Variants in DYM observed in about 807,000 individuals in gnomAD.
DYM encodes dymeclin, also known as dyggve-Melchior-Clausen syndrome protein.
Under a neutral mutation model 93.1 loss-of-function variants are expected in DYM, and 78 were observed. That is an observed-to-expected ratio of 0.84 (90% CI 0.70 to 1.01). DYM has a LOEUF of 1.01. Ranked by LOEUF, DYM falls within the 50% of genes least tolerant of loss-of-function variation. The pLI, the probability that DYM is intolerant of heterozygous loss-of-function variation, is 0.00. For synonymous variants in DYM, 321 were observed against 319.7 expected, an observed-to-expected ratio of 1.00 and a Z score of -0.04; for missense variants, 789 against 845.0, an observed-to-expected ratio of 0.93 and a Z score of 0.82.
chr18:49,396,320 TC>T (rs2070074934), intron 2 of DYM, among the ~76,000 whole-genome samples: 1 of 152,132 alleles, frequency 6.6e-6, no homozygotes, highest in African/African-American at 2.4e-5. Flanking sequence ...TACCATATAA[TC>T]CAATAATCCG....
At chr18:49,145,516 A>C (rs1036438245) in intron 15 of DYM, among the ~76,000 whole-genome samples, 1 of 152,120 alleles carries the variant, frequency 6.6e-6, no homozygotes, top group Admixed American at 6.6e-5. Flanking sequence ...TTCCTCTTTC[A>C]CTTTTACCCA....
chr18:49,189,271 T>C (rs1274033173), intron 14 of DYM, among the ~76,000 whole-genome samples: 1 of 152,164 alleles, frequency 6.6e-6, no homozygotes, highest in Non-Finnish European at 1.5e-5. Context: ...CAATATATCC[T>C]TGTAACAAAC....
intron 17 of DYM, among the ~76,000 whole-genome samples, chr18:49,092,289 C>G (rs1250596585): frequency 6.6e-6 from 1 of 152,214 alleles, no homozygotes; most frequent in African/African-American, 2.4e-5. Context: ...TACTCACACA[C>G]AGATTTCCCC....
At chr18:49,356,122 GAAGT>G (rs1484389789) in intron 6 of DYM, among the ~76,000 whole-genome samples, 2 of 152,112 alleles carry the variant, frequency 1.3e-5, no homozygotes, top group East Asian at 1.9e-4. Context: ...ACTCTGTAAA[GAAGT>G]AAGTTATAAG....
intron 8 of DYM, among the ~76,000 whole-genome samples, chr18:49,289,769 A>AC (rs1426773066): frequency 2.1e-5 from 1 of 47,420 alleles, no homozygotes; most frequent in African/African-American, 8.5e-5. Flanking sequence ...ATATATATAT[A>AC]TATACACATA....
At chr18:49,451,861 G>T (rs968301057) in intron 1 of DYM, among the ~76,000 whole-genome samples, 4 of 152,152 alleles carry the variant, frequency 2.6e-5, no homozygotes, top group African/African-American at 9.7e-5. Flanking sequence ...CTACATTTTA[G>T]ACTAACACTG....
chr18:49,133,103 G>C lies in DYM; in HGVS notation c.1729-14177C>G, dbSNP rs79530581. Among the ~76,000 whole-genome samples, 615 of 152,260 alleles carry C rather than the reference G, an allele frequency of 4.0e-3. 3 individuals are homozygous for C. The highest frequency in any genetic ancestry group is 0.014 in the African/African-American group (598 of 41,536). ...AAAAATAACAAATGATTATAATTCT[G>C]TGTTGTCAAGAAGAAAGGAGATGGC... On this transcript the variant is annotated intron_variant, in intron 15 of 17. Coordinates refer to ENST00000675505, the MANE Select transcript of DYM (RefSeq NM_001353214.3).
intron 13 of DYM, among the ~76,000 whole-genome samples, chr18:49,236,441 A>C (rs2032250): frequency 1 from 150,941 of 151,630 alleles, 75,133 homozygotes; most frequent in Middle Eastern, 1. Context: ...GATCGTGCCA[A>C]TGCACTCCAG....
At chr18:49,315,880 TG>T (rs1357689376) in intron 8 of DYM, among the ~76,000 whole-genome samples, 1 of 152,196 alleles carries the variant, frequency 6.6e-6, no homozygotes, top group African/African-American at 2.4e-5. Context: ...ACCAGTCTAT[TG>T]AAGAAAAATA....
chr18:49,103,020 A>G (rs2080349978), intron 16 of DYM, among the ~76,000 whole-genome samples: 1 of 152,216 alleles, frequency 6.6e-6, no homozygotes, highest in Non-Finnish European at 1.5e-5. Flanking sequence ...GAACTAGTTT[A>G]CAGTCCCACC....
At chr18:49,331,548 TG>T (rs1459697316) in intron 8 of DYM, among the ~76,000 whole-genome samples, 1 of 152,200 alleles carries the variant, frequency 6.6e-6, no homozygotes, top group Non-Finnish European at 1.5e-5. Flanking sequence ...ATACAAGTAG[TG>T]TTATAAGTTT....
chr18:49,077,957 G>T (rs2077449484), intron 17 of DYM, among the ~76,000 whole-genome samples: 1 of 152,088 alleles, frequency 6.6e-6, no homozygotes, highest in South Asian at 2.1e-4. Flanking sequence ...TATTGATATG[G>T]TTAGGTTTGC....
chr18:49,310,773 G>A (rs1242789032), intron 8 of DYM, among the ~76,000 whole-genome samples: 2 of 152,056 alleles, frequency 1.3e-5, no homozygotes, highest in Non-Finnish European at 2.9e-5. Context: ...ATATGCTTAA[G>A]AGGATTACAG....
chr18:49,277,531 A>C (rs2094875536), intron 10 of DYM, among the ~76,000 whole-genome samples: 1 of 152,164 alleles, frequency 6.6e-6, no homozygotes, highest in South Asian at 2.1e-4. Flanking sequence ...GGACACTATT[A>C]AGAGGTGGGG....
At chr18:49,324,091 T>C (rs931324217) in intron 8 of DYM, among the ~76,000 whole-genome samples, 3 of 120,484 alleles carry the variant, frequency 2.5e-5, no homozygotes, top group Non-Finnish European at 4.8e-5. Flanking sequence ...GCTTACATCA[T>C]GTCACTGCAC....
Position 49,127,586 on chromosome 18 carries a change from T to C in DYM, c.1729-8660A>G, listed in dbSNP as rs145779055. On this transcript the variant is annotated intron_variant, in intron 15 of 17. Coordinates refer to ENST00000675505, the MANE Select transcript of DYM (RefSeq NM_001353214.3). ...AAAACCTTCAACAAAATTAATGGGA[T>C]TTTGCCAAAAGTGGGGAGTAGGGGG... 3.2e-3 allele frequency among the ~76,000 whole-genome samples: 488 copies of C among 152,306 alleles called. 5 individuals carry two copies. The highest frequency in any genetic ancestry group is 0.019 in the Admixed American group (287 of 15,292).
chr18:49,257,079 A>G lies in DYM; in HGVS notation c.1391T>C (p.Leu464Ser). 1 of 1,614,006 alleles carries G rather than the reference A, an allele frequency of 6.2e-7. No homozygotes were observed. The highest frequency in any genetic ancestry group is 8.5e-7 in the Non-Finnish European group (1 of 1,179,878). The change falls in exon 13 of 18, where the codon TTG becomes TCG. Residue 464 changes from leucine to serine, a missense_variant. Leu to Ser is a moderately radical substitution (Grantham distance 145). Around this residue, in one of 3 missense-constraint regions of DYM, gnomAD observed 225 missense variants for 303.0 expected, o/e 0.74. Transcript: ENST00000675505. Reference sequence around the variant, plus strand: ...TGCCGACATATTTGCTAAAGCTGCCAAACAATTTGTGTGAAGGTACTTGTC... The same window carrying G: ...TGCCGACATATTTGCTAAAGCTGCCGAACAATTTGTGTGAAGGTACTTGTC... ...TRDKYLHTNC[L>S]AALANMSAQF... is the part of the protein sequence containing the mutation.
At chr18:49,416,879 T>A (rs2073049550) in intron 2 of DYM, among the ~76,000 whole-genome samples, 1 of 152,208 alleles carries the variant, frequency 6.6e-6, no homozygotes, top group Non-Finnish European at 1.5e-5. Flanking sequence ...CAGGTGGACA[T>A]ATTTTTATTT....
chr18:49,055,498 AAGGT>A (rs1296930728), intron 17 of DYM, among the ~76,000 whole-genome samples: 1 of 152,204 alleles, frequency 6.6e-6, no homozygotes, highest in Non-Finnish European at 1.5e-5. Context: ...TTTTGATTCC[AAGGT>A]AGGAGATGGG....
Sources: gnomAD v4.1 joint callset for allele counts (sites outside exome capture counted in the v4.1 genomes callset) on GRCh38, gnomAD v4.1.1 for gene constraint, gnomAD v4.1.1 regional missense constraint, MANE v1.5 for transcripts, NCBI Gene and HGNC (gene_info 2026-07-23, HGNC 2026-07-21) for gene names.